CRY2: variants seen among roughly 807,000 people sequenced by gnomAD.
CRY2 encodes cryptochrome circadian regulator 2.
In CRY2, 31 loss-of-function variants were observed where a neutral mutation model predicts 69.5. That is an observed-to-expected ratio of 0.45 (90% confidence interval 0.34 to 0.60). The LOEUF is 0.60. Among genes scored for constraint, CRY2 ranks in the 20% least tolerant of loss-of-function variants. The probability of loss-of-function intolerance (pLI) is 0.02; values close to 1 mark genes in which losing one functional copy is unlikely to be tolerated. For synonymous variants in CRY2, 303 were observed against 312.2 expected (o/e 0.97, Z 0.31); for missense variants, 606 against 797.8 (o/e 0.76, Z 2.90).
At position 45,870,337 on chromosome 11, in the gene CRY2, C is replaced by G; in HGVS notation, c.1354C>G (p.Leu452Val). 2 of 1,614,130 alleles carry G rather than the reference C, an allele frequency of 1.2e-6. No individual in the cohort carries two copies. The highest frequency in any genetic ancestry group is 2.7e-5 in the African/African-American group (2 of 75,012). ...TGGTGTATCTTATTTCAGGCGATAC[C>G]TGCCCAAATTGAAAGCGTTCCCCTC... ...DPSGDYIRRY[L>V]PKLKAFPSRY... is the part of the protein sequence containing the mutation. Residue 452 changes from leucine (L) to valine (V), a missense_variant, in exon 9 of 12, where the codon CTG becomes GTG. Physicochemically the swap from Leu to Val is conservative, Grantham distance 32 (BLOSUM62 1). Transcript: ENST00000616080.
intron 10 of CRY2, 76 bp from the exon 11 acceptor site, chr11:45,872,016 A>AGCT (rs1178864367): frequency 3.8e-6 from 6 of 1,568,004 alleles, no homozygotes; most frequent in Non-Finnish European, 5.2e-6. Flanking sequence ...TCCCCTAAAG[A>AGCT]GCTGCTGCTG....
chr11:45,850,201 G>T (rs1390642317), intron 1 of CRY2, among the ~76,000 whole-genome samples: 1 of 151,762 alleles, frequency 6.6e-6, no homozygotes, highest in Non-Finnish European at 1.5e-5. Flanking sequence ...TAGAGATGGG[G>T]TTTCACCATG....
chr11:45,879,721 T>C (rs979032320), intron 11 of CRY2, among the ~76,000 whole-genome samples: 2 of 152,214 alleles, frequency 1.3e-5, no homozygotes, highest in Non-Finnish European at 2.9e-5. Flanking sequence ...GGATCTCAAG[T>C]TGTGTTAGTC....
At chr11:45,857,504 T>G (rs1220943889) in intron 2 of CRY2, among the ~76,000 whole-genome samples, 2 of 152,184 alleles carry the variant, frequency 1.3e-5, no homozygotes, top group Non-Finnish European at 2.9e-5. Flanking sequence ...TTCAGTCATG[T>G]AATGTATTTT....
rs527333394 is a variant in CRY2, at chr11:45,883,057, C to A, written c.*2146C>A. The A allele has an allele frequency of 2.2e-4, 55 of 246,990 alleles. No individual in the cohort carries two copies. Among genetic ancestry groups the A allele is most frequent in the African/African-American group, 1.2e-3 (52 of 45,118 alleles). The allele number at this position is 246,990 out of a possible 1,614,324, so 15.3% of individuals were successfully genotyped here. A position where few individuals can be genotyped will look rare whatever the true frequency, so the allele number is the denominator to read the frequency against. On this transcript the variant is annotated 3_prime_UTR_variant, in exon 12 of 12. Coordinates refer to ENST00000616080, the MANE Select transcript of CRY2 (RefSeq NM_021117.5). Reference sequence around the variant, plus strand: ...TGGTGGCTTCATGCCTCCCTTCTCCCAGCTCAGGTGGCCCTGAGGGCTCCC... The same window carrying A: ...TGGTGGCTTCATGCCTCCCTTCTCCAAGCTCAGGTGGCCCTGAGGGCTCCC...
chr11:45,876,336 C>G (rs1055966816), intron 11 of CRY2, among the ~76,000 whole-genome samples: 1 of 152,160 alleles, frequency 6.6e-6, no homozygotes, highest in African/African-American at 2.4e-5. Flanking sequence ...AAAGCATGGC[C>G]TCCAATCAGT....
chr11:45,872,331 T>G, intron 11 of CRY2, 98 bp downstream of exon 11: 1 of 1,157,780 alleles, frequency 8.6e-7, no homozygotes, highest in African/African-American at 1.5e-5. Flanking sequence ...GCAAACTAGA[T>G]GAAAATCTGG....
chr11:45,877,699 G>C (rs2086434367), intron 11 of CRY2, among the ~76,000 whole-genome samples: 1 of 152,218 alleles, frequency 6.6e-6, no homozygotes. Context: ...CCCCTTGGCT[G>C]TTCTTCCCTT....
intron 10 of CRY2, among the ~76,000 whole-genome samples, chr11:45,871,646 G>C (rs1205148302): frequency 6.6e-6 from 1 of 152,206 alleles, no homozygotes; most frequent in Admixed American, 6.5e-5. Context: ...TTCCCTTCTT[G>C]GGGATGAAGA....
chr11:45,870,778 C>T (rs879676896), intron 9 of CRY2, 64 bp from the exon 10 acceptor site: 1 of 1,428,066 alleles, frequency 7.0e-7, no homozygotes. Context: ...TTGCTTCATC[C>T]TGCCCTGTAG....
intron 6 of CRY2, among the ~76,000 whole-genome samples, chr11:45,869,066 T>A (rs2086353646): frequency 6.6e-6 from 1 of 152,238 alleles, no homozygotes; most frequent in Admixed American, 6.5e-5. Context: ...ATTTCTTAAT[T>A]ACCTTATGGC....
rs752643640 is a variant in CRY2, at chr11:45,870,176, C to T, written c.1318C>T (p.Arg440Cys). The T allele has an allele frequency of 2.5e-6, 4 of 1,613,102 alleles. No homozygotes were observed. The highest frequency in any genetic ancestry group is 2.2e-5 in the East Asian group (1 of 44,872). Reference sequence around the variant, plus strand: ...CTACTGCCCTGTGGGCTTTGGCCGTCGCACGGACCCCAGTGGGGACTACAT... The same window carrying T: ...CTACTGCCCTGTGGGCTTTGGCCGTTGCACGGACCCCAGTGGGGACTACAT... ...HCYCPVGFGR[R>C]TDPSGDYIRR... Residue 440 changes from arginine (R) to cysteine (C), a missense_variant, in exon 8 of 12, where the codon CGC becomes TGC. Transcript: ENST00000616080.
At chr11:45,855,721 T>A (rs537296906) in intron 1 of CRY2, among the ~76,000 whole-genome samples, 1 of 152,338 alleles carries the variant, frequency 6.6e-6, no homozygotes, top group East Asian at 1.9e-4. Flanking sequence ...AGCTTCACAT[T>A]ACCGGCGAGA....
In CRY2 at chr11:45,870,552, G is replaced by A. The variant is rs1377992354; in HGVS notation, c.1549+20G>A. On this transcript the variant is annotated intron_variant, in intron 9 of 11. Coordinates refer to ENST00000616080, the MANE Select transcript of CRY2 (RefSeq NM_021117.5). The stretch of plus-strand genomic sequence containing the variant: ...GACTCTGTAAGGAGACAAACACCTA[G>A]CTCACTGAAGGGAAGGACAGCACCT... The A allele has an allele frequency of 4.3e-6, 7 of 1,612,324 alleles. No homozygotes were observed. Among genetic ancestry groups the A allele is most frequent in the Non-Finnish European group, 5.9e-6 (7 of 1,179,222 alleles).
chr11:45,855,439 G>A (rs1371988523), intron 1 of CRY2, among the ~76,000 whole-genome samples: 3 of 152,190 alleles, frequency 2.0e-5, no homozygotes, highest in African/African-American at 7.2e-5. Flanking sequence ...TCTGCTAAGA[G>A]GACCTTAATG....
chr11:45,858,600 C>A, intron 2 of CRY2, 131 bp from the exon 3 acceptor site: 1 of 1,010,174 alleles, frequency 9.9e-7, no homozygotes, highest in South Asian at 1.8e-5. Flanking sequence ...AATCCCTGTT[C>A]CTAGTTTTTT....
chr11:45,858,619 C>T, intron 2 of CRY2, 112 bp from the exon 3 acceptor site: 3 of 1,166,748 alleles, frequency 2.6e-6, no homozygotes, highest in South Asian at 1.8e-5. Flanking sequence ...TTCTGCTGCC[C>T]ATCAGATAGG....
intron 10 of CRY2, 115 bp downstream of exon 10, chr11:45,871,049 G>A: frequency 1.2e-6 from 1 of 814,454 alleles, no homozygotes; most frequent in South Asian, 1.7e-5. Flanking sequence ...TTCCACCTGG[G>A]GCAGTCAGAT....
At chr11:45,850,403 T>C (rs1194628540) in intron 1 of CRY2, among the ~76,000 whole-genome samples, 1 of 152,168 alleles carries the variant, frequency 6.6e-6, no homozygotes, top group African/African-American at 2.4e-5. Flanking sequence ...CTAGGAAGTA[T>C]GTTGCAGTGC....
Sources: gnomAD v4.1 joint callset for allele counts (sites outside exome capture counted in the v4.1 genomes callset) on GRCh38, gnomAD v4.1.1 for gene constraint, MANE v1.5 for transcripts, NCBI Gene and HGNC (gene_info 2026-07-23, HGNC 2026-07-21) for gene names.